DGKB: variants seen among roughly 807,000 people sequenced by gnomAD.
DGKB encodes the protein diacylglycerol kinase beta, also known as 90 kDa diacylglycerol kinase.
A neutral mutation model predicts 114.3 loss-of-function variants in DGKB; 67 were observed. The ratio of observed to expected loss-of-function variants is 0.59; its 90% confidence interval spans 0.48 to 0.72. DGKB has a LOEUF of 0.72. Ranked by LOEUF, DGKB falls within the 30% of genes least tolerant of loss-of-function variation. The pLI is 0.00. For synonymous variants in DGKB, 398 were observed against 323.1 expected (o/e 1.23, Z -2.49); for missense variants, 907 against 975.2 (o/e 0.93, Z 0.93).
chr7:14,943,076 T>C (rs1191607607), intron 1 of DGKB, among the ~76,000 whole-genome samples: 1 of 151,986 alleles, frequency 6.6e-6, no homozygotes, highest in African/African-American at 2.4e-5. Flanking sequence ...CTGATTGACT[T>C]ACTGATAATG....
intron 21 of DGKB, among the ~76,000 whole-genome samples, chr7:14,392,995 G>GTTTTTGTTTTTGTTTTTTTTTTTT: frequency 2.1e-4 from 13 of 60,550 alleles, no homozygotes; most frequent in Non-Finnish European, 3.8e-4. Context: ...TTTTGTTTTT[G>GTTTTTGTTTTTGTTTTTTTTTTTT]TTTTTTTTTT....
intron 23 of DGKB, among the ~76,000 whole-genome samples, chr7:14,258,155 G>A (rs111645996): frequency 6.6e-6 from 1 of 152,110 alleles, no homozygotes; most frequent in African/African-American, 2.4e-5. Context: ...ACTGTGAAAG[G>A]GATTAATATA....
At chr7:14,524,604 AAGTC>A (rs1426652356) in intron 20 of DGKB, among the ~76,000 whole-genome samples, 2 of 151,920 alleles carry the variant, frequency 1.3e-5, no homozygotes, top group Non-Finnish European at 2.9e-5. Context: ...AAAAATAGAA[AAGTC>A]AGCTGGGCAT....
chr7:14,690,765 T>C (rs993487213), intron 9 of DGKB, among the ~76,000 whole-genome samples: 2 of 152,246 alleles, frequency 1.3e-5, no homozygotes, highest in African/African-American at 2.4e-5. Flanking sequence ...TTTACCTCTA[T>C]ATAAAGTTAT....
At chr7:14,378,637 ATAAT>A (rs879914732) in intron 21 of DGKB, among the ~76,000 whole-genome samples, 1 of 152,180 alleles carries the variant, frequency 6.6e-6, no homozygotes, top group Non-Finnish European at 1.5e-5. Flanking sequence ...AGCTACATTG[ATAAT>A]TAATTTGCAT....
chr7:14,331,129 G>A (rs1809647553), intron 23 of DGKB, among the ~76,000 whole-genome samples: 1 of 151,786 alleles, frequency 6.6e-6, no homozygotes, highest in Non-Finnish European at 1.5e-5. Context: ...AATTTCAAAG[G>A]AGGCAGTTTA....
chr7:14,346,555 C>T (rs1270577529), intron 21 of DGKB, among the ~76,000 whole-genome samples: 1 of 151,868 alleles, frequency 6.6e-6, no homozygotes, highest in East Asian at 1.9e-4. Flanking sequence ...ATTCTAGCAC[C>T]ATGAATCTTT....
At chr7:14,727,781 T>G (rs1021058660) in intron 5 of DGKB, among the ~76,000 whole-genome samples, 1 of 152,168 alleles carries the variant, frequency 6.6e-6, no homozygotes, top group African/African-American at 2.4e-5. Context: ...ATAAAAGACC[T>G]GTTAAGGTAC....
At chr7:14,203,608 T>C (rs898011132) in intron 23 of DGKB, among the ~76,000 whole-genome samples, 7 of 151,968 alleles carry the variant, frequency 4.6e-5, no homozygotes, top group Non-Finnish European at 7.4e-5. Context: ...GTATAATGCA[T>C]AACTGAAGGG....
intron 1 of DGKB, among the ~76,000 whole-genome samples, chr7:14,947,454 T>C (rs1002287540): frequency 2.0e-5 from 3 of 151,766 alleles, no homozygotes; most frequent in South Asian, 2.1e-4. Flanking sequence ...TTTTGAAACA[T>C]ACATAGAAAT....
intron 12 of DGKB, among the ~76,000 whole-genome samples, chr7:14,675,099 A>G (rs1373299781): frequency 1.3e-5 from 2 of 152,118 alleles, no homozygotes; most frequent in African/African-American, 4.8e-5. Flanking sequence ...CTGAGAAAAC[A>G]GACGCTAAGA....
rs76307683 is a variant in DGKB at position 14,647,162 on chromosome 7, T to G, written c.1135-16894A>C. On this transcript the variant is annotated intron_variant, in intron 13 of 25. Transcript: ENST00000402815. The stretch of plus-strand genomic sequence containing the variant: ...ATACCACATAAATACAAAGGATCAT[T>G]AGAAACTGTTATGAACAACTATACA... Among the ~76,000 whole-genome samples the G allele has an allele frequency of 2.6e-5, 4 of 152,148 alleles. No homozygotes were observed. The South Asian group carries it at 8.3e-4, about 32-fold the overall frequency.
chr7:14,818,463 C>T (rs560926096), intron 2 of DGKB, among the ~76,000 whole-genome samples: 6 of 151,998 alleles, frequency 3.9e-5, no homozygotes, highest in Non-Finnish European at 5.9e-5. Context: ...TGTTCCCCAG[C>T]GGAAAGGAGA....
chr7:14,443,808 C>A (rs929297673), intron 21 of DGKB, among the ~76,000 whole-genome samples: 8 of 151,992 alleles, frequency 5.3e-5, no homozygotes, highest in Non-Finnish European at 1.2e-4. Context: ...ATTATGATCC[C>A]TGGATTCAAA....
intron 20 of DGKB, among the ~76,000 whole-genome samples, chr7:14,566,942 T>A (rs896057230): frequency 6.6e-6 from 1 of 150,636 alleles, no homozygotes; most frequent in Non-Finnish European, 1.5e-5. Context: ...TCATGGTAGC[T>A]TTTGTTTTCT....
intron 21 of DGKB, among the ~76,000 whole-genome samples, chr7:14,423,232 A>T (rs1283554244): frequency 6.6e-6 from 1 of 152,062 alleles, no homozygotes; most frequent in Non-Finnish European, 1.5e-5. Flanking sequence ...AAAAATTCAT[A>T]AATATTTTTG....
intron 20 of DGKB, among the ~76,000 whole-genome samples, chr7:14,566,752 G>A (rs1013676123): frequency 3.3e-5 from 5 of 152,008 alleles, no homozygotes; most frequent in African/African-American, 1.2e-4. Context: ...ACCTAGCAGA[G>A]CTTTGAAGGC....
intron 15 of DGKB, among the ~76,000 whole-genome samples, chr7:14,616,592 G>A (rs1806575231): frequency 6.6e-6 from 1 of 151,694 alleles, no homozygotes; most frequent in African/African-American, 2.4e-5. Flanking sequence ...TCTGTCAGCT[G>A]AAAACTATTC....
At chr7:14,660,929 A>C (rs1816930453) in intron 13 of DGKB, among the ~76,000 whole-genome samples, 1 of 151,524 alleles carries the variant, frequency 6.6e-6, no homozygotes, top group South Asian at 2.1e-4. Context: ...TCTTTGACAA[A>C]CCTGAGAAAA....
Sources: allele counts gnomAD v4.1 joint callset (sites outside exome capture counted in the v4.1 genomes callset), GRCh38; gene constraint gnomAD v4.1.1; transcripts MANE v1.5; gene names NCBI Gene and HGNC (gene_info 2026-07-23, HGNC 2026-07-21).